CWC27: variants seen among roughly 807,000 people sequenced by gnomAD.
CWC27 encodes spliceosome-associated protein CWC27 homolog.
In CWC27, 47 loss-of-function variants were observed where a neutral mutation model predicts 63.6. The ratio of observed to expected loss-of-function variants is 0.74; its 90% CI spans 0.58 to 0.94. The LOEUF (loss-of-function observed/expected upper bound fraction) is 0.94. Among genes scored for constraint, CWC27 ranks in the 40% least tolerant of loss-of-function variants. CWC27 has a pLI of 0.00. For synonymous variants in CWC27, 175 were observed against 179.8 expected, an observed-to-expected ratio of 0.97 and a Z score of 0.22; for missense variants, 495 against 554.3, an observed-to-expected ratio of 0.89 and a Z score of 1.07.
chr5:64,867,364 T>C (rs1420855161), intron 10 of CWC27, among the ~76,000 whole-genome samples: 2 of 152,116 alleles, frequency 1.3e-5, no homozygotes, highest in African/African-American at 4.8e-5. Flanking sequence ...TTGTAAAGTT[T>C]TATGATAGAT....
intron 11 of CWC27, among the ~76,000 whole-genome samples, chr5:64,957,454 A>G (rs1748824829): frequency 6.6e-6 from 1 of 152,182 alleles, no homozygotes; most frequent in Non-Finnish European, 1.5e-5. Flanking sequence ...GGGGGGCAAC[A>G]TCAATCAACC....
chr5:64,896,936 G>A (rs1053726201), intron 11 of CWC27, among the ~76,000 whole-genome samples: 8 of 152,154 alleles, frequency 5.3e-5, no homozygotes, highest in South Asian at 4.2e-4. Flanking sequence ...ATCAAGCCGC[G>A]CACGGTGGCT....
intron 7 of CWC27, among the ~76,000 whole-genome samples, chr5:64,789,447 G>A (rs1202047567): frequency 6.6e-6 from 1 of 151,926 alleles, no homozygotes; most frequent in Admixed American, 6.6e-5. Flanking sequence ...TGAGATGGGT[G>A]ATATTATTAT....
chr5:64,957,713 A>T (rs1748829757), intron 11 of CWC27, among the ~76,000 whole-genome samples: 1 of 152,150 alleles, frequency 6.6e-6, no homozygotes, highest in African/African-American at 2.4e-5. Flanking sequence ...TATGTAGTAG[A>T]CCCACTGTTT....
intron 13 of CWC27, among the ~76,000 whole-genome samples, chr5:64,978,797 T>C (rs1017300179): frequency 5.3e-5 from 8 of 152,196 alleles, no homozygotes; most frequent in African/African-American, 1.9e-4. Flanking sequence ...CTCATCAAGA[T>C]GGTGTTTTGT....
intron 11 of CWC27, among the ~76,000 whole-genome samples, chr5:64,909,734 T>C (rs149622834): frequency 0.015 from 2,221 of 152,300 alleles, 31 homozygotes; most frequent in African/African-American, 0.041. Context: ...AATTGGCAAT[T>C]GAGGTTTGTG....
chr5:64,861,388 G>A (rs1163989525), intron 10 of CWC27, among the ~76,000 whole-genome samples: 4 of 151,382 alleles, frequency 2.6e-5, no homozygotes, highest in Non-Finnish European at 5.9e-5. Context: ...TTTTTTCTTA[G>A]CAGGTATCTC....
chr5:64,803,334 C>A (rs554304268), intron 9 of CWC27, among the ~76,000 whole-genome samples: 1 of 152,244 alleles, frequency 6.6e-6, no homozygotes, highest in South Asian at 2.1e-4. Context: ...CTCCATCTGT[C>A]AATGCTGGGC....
intron 1 of CWC27, among the ~76,000 whole-genome samples, chr5:64,770,656 C>T (rs926866398): frequency 2.8e-4 from 42 of 152,060 alleles, no homozygotes; most frequent in African/African-American, 1.0e-3. Context: ...ATGTAAGGAA[C>T]ATAAGGGCAG....
intron 2 of CWC27, among the ~76,000 whole-genome samples, chr5:64,780,317 G>A (rs1743622423): frequency 6.6e-6 from 1 of 151,786 alleles, no homozygotes; most frequent in African/African-American, 2.4e-5. Flanking sequence ...ATAGACATTT[G>A]AATTGTTTAC....
chr5:65,003,907 T>C (rs1317147118), intron 13 of CWC27, among the ~76,000 whole-genome samples: 2 of 151,778 alleles, frequency 1.3e-5, no homozygotes, highest in Non-Finnish European at 2.9e-5. Flanking sequence ...TGCAGTGGCA[T>C]GATCTTGGCT....
Position 64,785,414 on chromosome 5 carries a change from AG to A in CWC27, c.397-65del, listed in dbSNP as rs1580593836. The A allele has an allele frequency of 4.2e-6, 3 of 706,636 alleles. No homozygotes were observed. The East Asian group carries it at 9.2e-5, about 22-fold the overall frequency. The allele number at this position is 706,636 out of a possible 1,614,324, so 43.8% of individuals were successfully genotyped here. A position where few individuals can be genotyped will look rare whatever the true frequency, so the allele number is the denominator to read the frequency against. ...TTAATTATTTGAAAGATGTTTTCAA[AG>A]GTTTTCTCTTAATTCAAAGGATGAG... On this transcript the variant is annotated intron_variant, in intron 4 of 13. Coordinates refer to ENST00000381070, the MANE Select transcript of CWC27 (RefSeq NM_005869.4).
chr5:64,796,059 G>A (rs1024840715), intron 7 of CWC27, among the ~76,000 whole-genome samples: 1 of 150,774 alleles, frequency 6.6e-6, no homozygotes, highest in African/African-American at 2.4e-5. Flanking sequence ...AAGCTCATTT[G>A]AGGTGTTGAG....
chr5:64,819,567 T>C (rs1308391344), intron 10 of CWC27, among the ~76,000 whole-genome samples: 5 of 151,914 alleles, frequency 3.3e-5, no homozygotes, highest in African/African-American at 7.3e-5. Flanking sequence ...AAAGGGGAGT[T>C]CCCCTGTACA....
rs142679628 is a variant in CWC27, at chr5:64,939,852, C to T, written c.1043-31851C>T. On this transcript the variant is annotated intron_variant, in intron 11 of 13. Transcript: ENST00000381070. ...ATCTGGAGAGGCAGTCTGGCTACAG[C>T]GGCTTTGCCAAGCTGCACTGGGCTC... Among the ~76,000 whole-genome samples the T allele has an allele frequency of 3.9e-3, 594 of 152,310 alleles. 2 individuals are homozygous for T. Among genetic ancestry groups the T allele is most frequent in the African/African-American group, 0.013 (555 of 41,556 alleles).
chr5:64,885,195 C>G (rs3776055), intron 10 of CWC27, among the ~76,000 whole-genome samples: 45,396 of 151,808 alleles, frequency 0.3, 7,148 homozygotes, highest in East Asian at 0.51. Context: ...GATAATGGGT[C>G]ATTTATCACA....
At chr5:65,005,183 C>A (rs941743329) in intron 13 of CWC27, among the ~76,000 whole-genome samples, 2 of 149,362 alleles carry the variant, frequency 1.3e-5, no homozygotes, top group East Asian at 2.0e-4. Context: ...AGCTGGCATG[C>A]ACCAGCACCA....
intron 11 of CWC27, among the ~76,000 whole-genome samples, chr5:64,921,610 A>G (rs866086724): frequency 3.9e-5 from 6 of 152,070 alleles, no homozygotes; most frequent in Admixed American, 1.3e-4. Context: ...TTCTTTATCC[A>G]TCTTGCCAAT....
chr5:64,799,602 A>ATATATATATATATATATATATGTATATG (rs143997810), intron 7 of CWC27, among the ~76,000 whole-genome samples: 3 of 132,828 alleles, frequency 2.3e-5, no homozygotes, highest in Non-Finnish European at 4.8e-5. Flanking sequence ...ATATATATAT[A>ATATATATATATATATATATATGTATATG]CTTAATAGCA....
Sources: gnomAD v4.1 joint callset for allele counts (sites outside exome capture counted in the v4.1 genomes callset) on GRCh38, gnomAD v4.1.1 for gene constraint, MANE v1.5 for transcripts, NCBI Gene and HGNC (gene_info 2026-07-23, HGNC 2026-07-21) for gene names.